CFAP92: variants seen among roughly 807,000 people sequenced by gnomAD.
CFAP92 encodes cilia and flagella associated protein 92 (putative).
CFAP92 carries 86 observed loss-of-function variants against 106.3 expected under a neutral mutation model. The ratio of observed to expected loss-of-function variants is 0.81; its 90% CI spans 0.68 to 0.97. CFAP92 has a LOEUF of 0.97. Among genes scored for constraint, CFAP92 ranks in the 50% least tolerant of loss-of-function variants. CFAP92 has a pLI of 0.00. For synonymous variants in CFAP92, 477 were observed against 506.4 expected, an observed-to-expected ratio of 0.94 and a Z score of 0.78; for missense variants, 1,204 against 1,283.8, an observed-to-expected ratio of 0.94 and a Z score of 0.95.
intron 15 of CFAP92, 92 bp from the exon 16 acceptor site, chr3:128,910,425 G>A (rs1936149918): frequency 1.5e-6 from 2 of 1,294,006 alleles, no homozygotes; most frequent in Non-Finnish European, 2.1e-6. Flanking sequence ...CCGCTGTGCT[G>A]GAGGGAGGCG....
chr3:128,971,277 C>T lies in CFAP92; in HGVS notation c.1168+10G>A, dbSNP rs1942772866. 1 of 1,613,734 alleles carries T rather than the reference C, an allele frequency of 6.2e-7. No homozygotes were observed. ...CAGGAGCTGCTGGGAACAGGGCAAG[C>T]AGTGGGTACCGGCAAGGAGCGGCAT... On this transcript the variant is annotated intron_variant, in intron 8 of 15. Coordinates refer to ENST00000645291, the MANE Select transcript of CFAP92 (RefSeq NM_001394090.1).
At chr3:128,913,514 T>C (rs1936569477) in intron 15 of CFAP92, among the ~76,000 whole-genome samples, 1 of 140,158 alleles carries the variant, frequency 7.1e-6, no homozygotes, top group Non-Finnish European at 1.6e-5. Context: ...TGGTGAACTT[T>C]AAGCTTTGAT....
At chr3:128,956,599 A>G (rs1233031079) in intron 9 of CFAP92, among the ~76,000 whole-genome samples, 3 of 140,502 alleles carry the variant, frequency 2.1e-5, no homozygotes, top group East Asian at 2.1e-4. Flanking sequence ...ACTTATAGGG[A>G]AAAAAAAGTA....
intron 12 of CFAP92, among the ~76,000 whole-genome samples, chr3:128,930,906 G>A (rs1330692874): frequency 6.6e-6 from 1 of 151,118 alleles, no homozygotes; most frequent in African/African-American, 2.5e-5. Flanking sequence ...GACTTTTTTT[G>A]TTTGTTTGTT....
intron 4 of CFAP92, among the ~76,000 whole-genome samples, chr3:128,981,640 G>A (rs1943543918): frequency 6.6e-6 from 1 of 152,140 alleles, no homozygotes; most frequent in African/African-American, 2.4e-5. Context: ...CTTCTAGAAG[G>A]TTTTCAATTT....
At chr3:128,916,315 C>T (rs1334129399) in intron 12 of CFAP92, 44 bp from the exon 13 acceptor site, 1 of 1,204,458 alleles carries the variant, frequency 8.3e-7, no homozygotes, top group Non-Finnish European at 1.0e-6. Context: ...AGGTCATCCT[C>T]ACCCCCCATG....
intron 7 of CFAP92, among the ~76,000 whole-genome samples, chr3:128,971,634 T>G (rs1384488110): frequency 1.3e-5 from 2 of 152,142 alleles, no homozygotes; most frequent in African/African-American, 4.8e-5. Flanking sequence ...CAGTTATATG[T>G]AGTAATAGGG....
At chr3:128,921,133 C>T (rs1036671208) in intron 12 of CFAP92, among the ~76,000 whole-genome samples, 11 of 152,164 alleles carry the variant, frequency 7.2e-5, no homozygotes, top group Admixed American at 4.6e-4. Flanking sequence ...CTTGTCTCAT[C>T]TGTTTGACTC....
At chr3:128,941,989 C>T (rs1309245697) in intron 10 of CFAP92, among the ~76,000 whole-genome samples, 1 of 152,158 alleles carries the variant, frequency 6.6e-6, no homozygotes, top group Admixed American at 6.5e-5. Context: ...ATTTCTGCCA[C>T]TGGAAAAAGC....
intron 5 of CFAP92, among the ~76,000 whole-genome samples, chr3:128,977,396 G>A (rs1052378538): frequency 1.3e-5 from 2 of 152,056 alleles, no homozygotes; most frequent in Non-Finnish European, 2.9e-5. Flanking sequence ...CCAACCATAG[G>A]GAATGGTTAG....
intron 8 of CFAP92, 121 bp downstream of exon 8, chr3:128,971,166 G>A (rs997437340): frequency 2.0e-6 from 3 of 1,499,760 alleles, no homozygotes; most frequent in South Asian, 2.4e-5. Flanking sequence ...AGTTTCCTGA[G>A]GTGGCTGTGA....
chr3:128,945,340 G>C lies in CFAP92; in HGVS notation c.1989C>G (p.Phe663Leu). Residue 663 changes from phenylalanine to leucine, a missense_variant, in exon 10 of 16, where the codon TTC becomes TTG. Phe to Leu is a conservative substitution (Grantham distance 22). Coordinates refer to ENST00000645291, the MANE Select transcript of CFAP92 (RefSeq NM_001394090.1). ...GGGAGACCTTCTTAAAGTCAAAGAC[G>C]AAGATGATGCGGCCAAACTGGGAGC... Reference protein sequence around the residue: ...LGGSQFGRIIFVFDFKKVSLL... With the variant: ...LGGSQFGRIILVFDFKKVSLL... 4 of 1,536,154 alleles carry C rather than the reference G, an allele frequency of 2.6e-6. No individual in the cohort carries two copies. In the South Asian group the frequency reaches 3.6e-5, roughly 14 times the overall value.
At chr3:128,974,683 T>C (rs1376624581) in intron 7 of CFAP92, among the ~76,000 whole-genome samples, 1 of 151,612 alleles carries the variant, frequency 6.6e-6, no homozygotes, top group East Asian at 1.9e-4. Flanking sequence ...TAGCTGGGTG[T>C]GGTGGTGGAC....
chr3:128,912,567 G>C, intron 15 of CFAP92: 1 of 1,614,162 alleles, frequency 6.2e-7, no homozygotes, highest in South Asian at 1.1e-5. Context: ...CTTGAGAAGC[G>C]AGCCTATATC....
chr3:129,014,414 C>G, the CFAP92 span, among the ~76,000 whole-genome samples: 2 of 152,240 alleles, frequency 1.3e-5, no homozygotes, highest in African/African-American at 2.4e-5. This position sits in a 1 kb window ranked among gnomAD's most constrained non-coding sequence, Gnocchi z 4.3. Flanking sequence ...TGCGGCCTCT[C>G]TCCTGGGCTG....
chr3:128,919,842 T>G (rs1447003950), intron 12 of CFAP92, among the ~76,000 whole-genome samples: 2 of 152,236 alleles, frequency 1.3e-5, no homozygotes, highest in East Asian at 3.8e-4. Flanking sequence ...CCCTGGTACC[T>G]CTAGGCCTCC....
intron 1 of CFAP92, chr3:128,993,736 A>G: frequency 3.4e-6 from 1 of 292,276 alleles, no homozygotes; most frequent in Non-Finnish European, 6.5e-6. Flanking sequence ...GGAGAGGCAA[A>G]CCAGGCCGGG....
chr3:129,003,510 G>C (rs556523730), upstream of CFAP92, among the ~76,000 whole-genome samples: 1 of 152,034 alleles, frequency 6.6e-6, no homozygotes, highest in East Asian at 1.9e-4. Context: ...TACTATAGAG[G>C]GAACAGAATA....
chr3:129,023,958 T>C, the CFAP92 span, among the ~76,000 whole-genome samples: 1 of 152,142 alleles, frequency 6.6e-6, no homozygotes, highest in Non-Finnish European at 1.5e-5. Context: ...AGCAGGTGAA[T>C]AGGTGATAGG....
Sources: allele counts gnomAD v4.1 joint callset (sites outside exome capture counted in the v4.1 genomes callset), GRCh38; gene constraint gnomAD v4.1.1; non-coding constraint Gnocchi (gnomAD v3.1); transcripts MANE v1.5; gene names NCBI Gene and HGNC (gene_info 2026-07-23, HGNC 2026-07-21).